The following GEMIN2 variants were observed in gnomAD, a reference collection of about 807,000 sequenced individuals.
GEMIN2 encodes the protein gem-associated protein 2.
In GEMIN2, 37 loss-of-function variants were observed where a neutral mutation model predicts 45.8. The ratio of observed to expected loss-of-function variants is 0.81; its 90% CI spans 0.62 to 1.06. The LOEUF (loss-of-function observed/expected upper bound fraction) is 1.06. Ranked by LOEUF, GEMIN2 falls within the 50% of genes least tolerant of loss-of-function variation. The pLI, the probability that GEMIN2 is intolerant of heterozygous loss-of-function variation, is 0.00. For synonymous variants in GEMIN2, 101 were observed against 111.5 expected (o/e 0.91, Z 0.60); for missense variants, 335 against 321.8 (o/e 1.04, Z -0.31).
At chr14:39,119,676 A>G (rs2052552936) in intron 4 of GEMIN2, among the ~76,000 whole-genome samples, 1 of 152,240 alleles carries the variant, frequency 6.6e-6, no homozygotes, top group Non-Finnish European at 1.5e-5. Context: ...ATTAGAATAA[A>G]TGACTGCTTG....
At chr14:39,116,179 G>T (rs2052503621) in intron 2 of GEMIN2, among the ~76,000 whole-genome samples, 1 of 151,830 alleles carries the variant, frequency 6.6e-6, no homozygotes, top group Non-Finnish European at 1.5e-5. Context: ...AGGATTACAG[G>T]CGTGTGCCAC....
At chr14:39,126,116 C>A (rs8011494) in intron 6 of GEMIN2, among the ~76,000 whole-genome samples, 2 of 151,004 alleles carry the variant, frequency 1.3e-5, no homozygotes, top group Admixed American at 6.6e-5. Flanking sequence ...AGTAAGGACT[C>A]TTATTCATTT....
chr14:39,124,616 C>CA (rs55977445), intron 5 of GEMIN2, among the ~76,000 whole-genome samples: 44,264 of 151,476 alleles, frequency 0.29, 7,620 homozygotes, highest in Non-Finnish European at 0.38. Flanking sequence ...ACCAAAAATA[C>CA]AAAAAAATTA....
intron 4 of GEMIN2, 107 bp downstream of exon 4, chr14:39,118,706 A>C (rs2052540888): frequency 1.7e-6 from 1 of 580,404 alleles, no homozygotes; most frequent in Non-Finnish European, 3.2e-6. Flanking sequence ...TGTTACTTTC[A>C]TTCTCTTCAA....
At chr14:39,136,299 T>A (rs1431452635) in intron 9 of GEMIN2, 141 bp from the exon 10 acceptor site, 1 of 589,358 alleles carries the variant, frequency 1.7e-6, no homozygotes, top group African/African-American at 1.9e-5. Flanking sequence ...GCTTCATAAT[T>A]TTCCACTATG....
intron 7 of GEMIN2, among the ~76,000 whole-genome samples, chr14:39,128,648 G>T (rs539220561): frequency 1.3e-5 from 2 of 151,210 alleles, no homozygotes; most frequent in Admixed American, 6.6e-5. Flanking sequence ...ATGCAGCCAC[G>T]CCCAGTTTTT....
chr14:39,116,183 G>A (rs1473670720), intron 2 of GEMIN2, among the ~76,000 whole-genome samples: 1 of 151,458 alleles, frequency 6.6e-6, no homozygotes, highest in Non-Finnish European at 1.5e-5. Flanking sequence ...TTACAGGCGT[G>A]TGCCACCACA....
At chr14:39,126,037 A>T (rs944602954) in intron 6 of GEMIN2, among the ~76,000 whole-genome samples, 1 of 152,068 alleles carries the variant, frequency 6.6e-6, no homozygotes, top group Admixed American at 6.6e-5. Flanking sequence ...AAAAAAAGAA[A>T]GATTGAAATA....
chr14:39,129,948 T>G (rs868675602), intron 7 of GEMIN2, among the ~76,000 whole-genome samples: 35 of 137,036 alleles, frequency 2.6e-4, no homozygotes, highest in Middle Eastern at 7.1e-3. Context: ...TTTTTTTTTT[T>G]TTTTTTTTTT....
intron 6 of GEMIN2, among the ~76,000 whole-genome samples, chr14:39,127,982 T>G (rs949372983): frequency 6.7e-6 from 1 of 148,206 alleles, no homozygotes; most frequent in African/African-American, 2.5e-5. Context: ...GCAGGAGAAT[T>G]GCTTGAACCC....
chr14:39,118,688 C>T, intron 4 of GEMIN2, 89 bp downstream of exon 4: 1 of 644,820 alleles, frequency 1.6e-6, no homozygotes, highest in Non-Finnish European at 2.9e-6. Context: ...ATTCACTTGC[C>T]TAGTCAGTGT....
In GEMIN2 at chr14:39,127,336, G is replaced by GTTTTTTT. The variant is rs760931815; in HGVS notation, c.532-926_532-920dup. Among the ~76,000 whole-genome samples the GTTTTTTT allele has an allele frequency of 2.0e-4, 11 of 56,068 alleles. 1 individual carries two copies. The highest frequency in any genetic ancestry group is 2.6e-4 in the Non-Finnish European group (8 of 30,578). 36.8% of individuals were successfully genotyped at this position (56,068 alleles called of 152,430 possible). A position where few individuals can be genotyped will look rare whatever the true frequency, so the allele number is the denominator to read the frequency against. On this transcript the variant is annotated intron_variant, in intron 6 of 9. Transcript: ENST00000308317. ...AACTCCTGACCTCAGGTGTGCCATT[G>GTTTTTTT]TTTTTTTTTTTTTTTTTTTTTTTTG... is the stretch of plus-strand genomic sequence containing the variant.
intron 2 of GEMIN2, among the ~76,000 whole-genome samples, chr14:39,115,212 T>A (rs2052486484): frequency 1.4e-5 from 2 of 143,686 alleles, no homozygotes; most frequent in Non-Finnish European, 3.2e-5. Context: ...TTTGCTTGTT[T>A]GTTTGTTTAT....
chr14:39,116,186 C>A (rs1188135302), intron 2 of GEMIN2, among the ~76,000 whole-genome samples: 1 of 151,654 alleles, frequency 6.6e-6, no homozygotes, highest in Non-Finnish European at 1.5e-5. Flanking sequence ...CAGGCGTGTG[C>A]CACCACACCT....
chr14:39,123,709 T>TATATATATATATATATATATA (rs60209051), intron 5 of GEMIN2, among the ~76,000 whole-genome samples: 8 of 28,986 alleles, frequency 2.8e-4, no homozygotes, highest in South Asian at 1.5e-3. Flanking sequence ...TATATATATA[T>TATATATATATATATATATATA]TTTTTTTTTT....
At chr14:39,131,731 C>A in intron 7 of GEMIN2, 1 of 398,122 alleles carries the variant, frequency 2.5e-6, no homozygotes, top group Non-Finnish European at 4.4e-6. Flanking sequence ...CTTTGGAGAT[C>A]AGGGAATATT....
At chr14:39,133,012 GTGTGTGTGTGTGTGTA>G (rs1326998217) in intron 8 of GEMIN2, among the ~76,000 whole-genome samples, 2,047 of 127,524 alleles carry the variant, frequency 0.016, 46 homozygotes, top group African/African-American at 0.058. Flanking sequence ...ATATATATGT[GTGTGTGTGTGTGTGTA>G]TATATATATA....
Position 39,131,947 on chromosome 14 carries a change from T to C in GEMIN2, c.601-11T>C. 9 of 1,311,554 alleles carry C rather than the reference T, an allele frequency of 6.9e-6. No individual in the cohort carries two copies. The highest frequency in any genetic ancestry group is 9.7e-6 in the Non-Finnish European group (9 of 926,906). The allele number at this position is 1,311,554 out of a possible 1,614,324, so 81.2% of individuals were successfully genotyped here. ...TTTGTCTAAATATTAATTTTTTGAA[T>C]TTTTTTTTAGGGAAGATGGCTTTAT... On this transcript the variant is annotated splice_polypyrimidine_tract_variant and intron_variant, in intron 7 of 9. Coordinates refer to ENST00000308317, the MANE Select transcript of GEMIN2 (RefSeq NM_003616.3).
chr14:39,128,193 CTTTCTA>C, intron 6 of GEMIN2, 81 bp from the exon 7 acceptor site: 1 of 711,704 alleles, frequency 1.4e-6, no homozygotes, highest in Non-Finnish European at 2.4e-6. Flanking sequence ...ATCAGAGTTG[CTTTCTA>C]AATAAACTTA....
Sources: allele counts gnomAD v4.1 joint callset (sites outside exome capture counted in the v4.1 genomes callset), GRCh38; gene constraint gnomAD v4.1.1; transcripts MANE v1.5; gene names NCBI Gene and HGNC (gene_info 2026-07-23, HGNC 2026-07-21).